The following CDH22 variants were observed in gnomAD, a reference collection of about 807,000 sequenced individuals.
CDH22 encodes cadherin-22.
CDH22 carries 30 observed loss-of-function variants against 58.4 expected under a neutral mutation model. That is an observed-to-expected ratio of 0.51 (90% CI 0.38 to 0.70). CDH22 has a LOEUF of 0.70. CDH22 is among the 30% of genes least tolerant of loss of function. CDH22 has a pLI of 0.00. For synonymous variants in CDH22, 513 were observed against 558.2 expected (o/e 0.92, Z 1.14); for missense variants, 1,014 against 1,233.9 (o/e 0.82, Z 2.67).
At chr20:46,203,949 C>T (rs1465330623) in intron 7 of CDH22, among the ~76,000 whole-genome samples, 5 of 151,992 alleles carry the variant, frequency 3.3e-5, no homozygotes, top group Admixed American at 1.3e-4. Context: ...TGTGGCAGCT[C>T]GTGTGTGTGT....
intron 4 of CDH22, among the ~76,000 whole-genome samples, chr20:46,220,275 A>G (rs1474591225): frequency 1.3e-5 from 2 of 151,946 alleles, no homozygotes; most frequent in Non-Finnish European, 2.9e-5. Flanking sequence ...AGACCTAGAG[A>G]GAAACAAAGA....
intron 6 of CDH22, among the ~76,000 whole-genome samples, chr20:46,212,188 C>T (rs188859911): frequency 6.6e-6 from 1 of 152,266 alleles, no homozygotes; most frequent in Non-Finnish European, 1.5e-5. Context: ...GGCTGATAGG[C>T]ACAGATTTAA....
chr20:46,175,832 C>G (rs1176258809), intron 11 of CDH22, among the ~76,000 whole-genome samples: 4 of 152,204 alleles, frequency 2.6e-5, no homozygotes, highest in Non-Finnish European at 4.4e-5. Context: ...AAAGCCACAG[C>G]TCTGTCATAG....
intron 8 of CDH22, among the ~76,000 whole-genome samples, chr20:46,190,625 T>C (rs1227762714): frequency 2.0e-5 from 3 of 152,274 alleles, no homozygotes; most frequent in South Asian, 4.1e-4. Flanking sequence ...AGCTGCAATA[T>C]GTTGTGTCAG....
rs1043417298 is a variant in CDH22 at position 46,239,525 on chromosome 20, A to G, written c.550+1438T>C. 2.0e-5 allele frequency among the ~76,000 whole-genome samples: 3 copies of G among 152,284 alleles called. No individual in the cohort carries two copies. The East Asian group carries it at 5.8e-4, about 29-fold the overall frequency. ...TTGCTCATTATCCCAGCAAGCTGCC[A>G]GATTTGGCCCAATTTGGGGAAGCTG... is the stretch of plus-strand genomic sequence containing the variant. On this transcript the variant is annotated intron_variant, in intron 3 of 11. Transcript: ENST00000537909.
chr20:46,282,244 GC>G (rs1210174896), intron 1 of CDH22, among the ~76,000 whole-genome samples: 2 of 152,186 alleles, frequency 1.3e-5, no homozygotes, highest in East Asian at 3.9e-4. Flanking sequence ...AATACAACGT[GC>G]CCAGGATACC....
intron 1 of CDH22, among the ~76,000 whole-genome samples, chr20:46,282,073 A>G: frequency 6.6e-6 from 1 of 152,184 alleles, no homozygotes; most frequent in Non-Finnish European, 1.5e-5. Context: ...GAATACGAAT[A>G]CCTTCCTTTT....
At chr20:46,297,678 C>T (rs770036509) in intron 1 of CDH22, among the ~76,000 whole-genome samples, 1 of 146,148 alleles carries the variant, frequency 6.8e-6, no homozygotes, top group East Asian at 2.1e-4. Context: ...GGCTAACATG[C>T]TGGGGACAGG....
chr20:46,213,197 G>A lies in CDH22; in HGVS notation c.839-9C>T. 1 of 1,613,572 alleles carries A rather than the reference G, an allele frequency of 6.2e-7. No individual in the cohort carries two copies. Among genetic ancestry groups the A allele is most frequent in the South Asian group, 1.1e-5 (1 of 91,054 alleles). ...GCTGAACTGGTACATCTCTGTGGGG[G>A]ACACGGCCATGAGCAGGGATGAAGG... On this transcript the variant is annotated splice_polypyrimidine_tract_variant and intron_variant, in intron 5 of 11. Coordinates refer to ENST00000537909, the MANE Select transcript of CDH22 (RefSeq NM_021248.3).
intron 10 of CDH22, among the ~76,000 whole-genome samples, chr20:46,180,734 C>T (rs549460583): frequency 3.5e-4 from 53 of 151,950 alleles, no homozygotes; most frequent in Non-Finnish European, 4.0e-4. Flanking sequence ...AACCATCCAA[C>T]AAATCTTTTT....
chr20:46,196,471 G>A (rs186534577), intron 8 of CDH22, among the ~76,000 whole-genome samples: 205 of 152,180 alleles, frequency 1.3e-3, no homozygotes, highest in African/African-American at 3.7e-3. Flanking sequence ...ATGGGGTTTC[G>A]CCATGTTGGC....
chr20:46,223,663 TTCC>T (rs1220920484), intron 4 of CDH22, among the ~76,000 whole-genome samples: 2 of 128,104 alleles, frequency 1.6e-5, no homozygotes, highest in Admixed American at 8.1e-5. Flanking sequence ...TTCTTTTTCT[TTCC>T]TTCTTTCTTT....
chr20:46,181,092 T>C (rs187816566), intron 10 of CDH22, among the ~76,000 whole-genome samples: 2 of 151,954 alleles, frequency 1.3e-5, no homozygotes, highest in African/African-American at 4.8e-5. Flanking sequence ...CAACAAATCT[T>C]TATTAACTAC....
intron 3 of CDH22, among the ~76,000 whole-genome samples, chr20:46,230,969 T>TG (rs1316986314): frequency 6.6e-6 from 1 of 151,962 alleles, no homozygotes; most frequent in Admixed American, 6.6e-5. Context: ...AGGGGCTGCT[T>TG]GGAGTAGAAG....
At chr20:46,304,921 G>C (rs1025236073) in intron 1 of CDH22, among the ~76,000 whole-genome samples, 3 of 152,172 alleles carry the variant, frequency 2.0e-5, no homozygotes. Context: ...CCTCCTCCAG[G>C]CAGGCACAGC....
chr20:46,191,918 C>A (rs1043254212), intron 8 of CDH22, among the ~76,000 whole-genome samples: 2 of 152,090 alleles, frequency 1.3e-5, no homozygotes, highest in African/African-American at 4.8e-5. Context: ...GTCTCTCTGG[C>A]CTCGTTGCTA....
intron 1 of CDH22, among the ~76,000 whole-genome samples, chr20:46,281,474 T>C (rs1207885144): frequency 1.3e-5 from 2 of 150,928 alleles, no homozygotes; most frequent in East Asian, 3.9e-4. Flanking sequence ...ACGCCTACCC[T>C]GATACTCTCT....
intron 1 of CDH22, among the ~76,000 whole-genome samples, chr20:46,270,192 C>T (rs1315751664): frequency 6.6e-6 from 1 of 152,188 alleles, no homozygotes; most frequent in Non-Finnish European, 1.5e-5. Context: ...CACCTTGCTA[C>T]AGGGCTGGGT....
chr20:46,230,286 G>A (rs2145715119), intron 3 of CDH22, among the ~76,000 whole-genome samples: 1 of 152,324 alleles, frequency 6.6e-6, no homozygotes, highest in Middle Eastern at 3.4e-3. Flanking sequence ...GCAGTGGTTT[G>A]TTGGTGAGTC....
Sources: allele counts gnomAD v4.1 joint callset (sites outside exome capture counted in the v4.1 genomes callset), GRCh38; gene constraint gnomAD v4.1.1; transcripts MANE v1.5; gene names NCBI Gene and HGNC (gene_info 2026-07-23, HGNC 2026-07-21).